The following PRKN variants were observed in gnomAD, a reference collection of about 807,000 sequenced individuals.
PRKN encodes parkin RBR E3 ubiquitin protein ligase.
A neutral mutation model predicts 59.5 loss-of-function variants in PRKN; 56 were observed. That is an observed-to-expected ratio of 0.94 (90% CI 0.76 to 1.18). The LOEUF is 1.18. Among genes scored for constraint, PRKN ranks in the 50% most tolerant of loss-of-function variants. The pLI is 0.00. For missense variants in PRKN, 657 were observed against 596.4 expected, an observed-to-expected ratio of 1.10 and a Z score of -1.06; for synonymous variants, 250 against 222.1, an observed-to-expected ratio of 1.13 and a Z score of -1.12.
At chr6:161,893,284 G>C (rs778813321) in intron 6 of PRKN, among the ~76,000 whole-genome samples, 1 of 152,204 alleles carries the variant, frequency 6.6e-6, no homozygotes, top group Non-Finnish European at 1.5e-5. Flanking sequence ...CTGAGTGATT[G>C]AAAGTAGAGG....
intron 7 of PRKN, among the ~76,000 whole-genome samples, chr6:161,777,771 GT>G (rs1351682659): frequency 7.2e-6 from 1 of 138,250 alleles, no homozygotes; most frequent in East Asian, 2.0e-4. Flanking sequence ...ATGTATATAT[GT>G]ATATATGTAT....
At chr6:162,683,730 T>G (rs1779857128) in intron 1 of PRKN, among the ~76,000 whole-genome samples, 1 of 152,150 alleles carries the variant, frequency 6.6e-6, no homozygotes, top group Admixed American at 6.5e-5. Context: ...AATTTGTCTT[T>G]GTCTTATAAT....
At chr6:162,638,750 T>C (rs1777847712) in intron 1 of PRKN, among the ~76,000 whole-genome samples, 1 of 148,672 alleles carries the variant, frequency 6.7e-6, no homozygotes, top group Non-Finnish European at 1.5e-5. Flanking sequence ...TTTTTTTTTT[T>C]TTTTTTTTTT....
At chr6:161,996,659 C>G (rs1019606377) in intron 5 of PRKN, among the ~76,000 whole-genome samples, 3 of 151,792 alleles carry the variant, frequency 2.0e-5, no homozygotes, top group African/African-American at 4.8e-5. Flanking sequence ...TTAATAGTTA[C>G]GTTAACATGT....
intron 4 of PRKN, among the ~76,000 whole-genome samples, chr6:162,171,610 T>C (rs1264693476): frequency 6.6e-6 from 1 of 152,112 alleles, no homozygotes; most frequent in Admixed American, 6.5e-5. Flanking sequence ...TTAGTTTCTT[T>C]CGTAGGGCTG....
intron 6 of PRKN, among the ~76,000 whole-genome samples, chr6:161,901,793 G>A (rs1044387734): frequency 6.6e-6 from 1 of 152,176 alleles, no homozygotes; most frequent in African/African-American, 2.4e-5. Flanking sequence ...AACAGAGAGA[G>A]GTATGATGGC....
At chr6:161,605,171 A>T (rs1227419686) in intron 7 of PRKN, among the ~76,000 whole-genome samples, 1 of 152,172 alleles carries the variant, frequency 6.6e-6, no homozygotes, top group African/African-American at 2.4e-5. Flanking sequence ...TTTTCAAAGG[A>T]TCTGTGTACC....
intron 9 of PRKN, among the ~76,000 whole-genome samples, chr6:161,449,921 A>G (rs1339231444): frequency 6.6e-6 from 1 of 152,142 alleles, no homozygotes; most frequent in Non-Finnish European, 1.5e-5. Context: ...ACACCCACCC[A>G]CGAGACTTTA....
Position 161,525,997 on chromosome 6 carries a change from C to T in PRKN, c.1083+22857G>A, listed in dbSNP as rs181381092. On this transcript the variant is annotated intron_variant, in intron 9 of 11. Coordinates refer to ENST00000366898, the MANE Select transcript of PRKN (RefSeq NM_004562.3). This position sits in a 1 kb window ranked among gnomAD's most constrained non-coding sequence, Gnocchi z 4.7. Reference sequence around the variant, plus strand: ...TAACTGAAAGATAGGTTTAAGTTGCCTGTAACCCAAATCTGTGTATATAAG... The same window carrying T: ...TAACTGAAAGATAGGTTTAAGTTGCTTGTAACCCAAATCTGTGTATATAAG... 4.6e-3 allele frequency among the ~76,000 whole-genome samples: 694 copies of T among 152,166 alleles called. 4 individuals carry two copies. Among genetic ancestry groups the T allele is most frequent in the Non-Finnish European group, 7.3e-3 (495 of 67,992 alleles).
chr6:162,201,620 C>T (rs943378296), intron 3 of PRKN, among the ~76,000 whole-genome samples: 15 of 152,120 alleles, frequency 9.9e-5, no homozygotes, highest in African/African-American at 2.2e-4. Context: ...AATTCTATCT[C>T]GTGCTTCCAG....
chr6:161,705,718 G>A (rs1032351847), intron 7 of PRKN, among the ~76,000 whole-genome samples: 9 of 152,102 alleles, frequency 5.9e-5, no homozygotes, highest in African/African-American at 1.9e-4. Context: ...TAACTATACC[G>A]TACCAAGCTA....
intron 3 of PRKN, among the ~76,000 whole-genome samples, chr6:162,257,281 G>A (rs531035205): frequency 6.6e-6 from 1 of 152,252 alleles, no homozygotes; most frequent in African/African-American, 2.4e-5. Context: ...GACCAGACTG[G>A]CCAGCGTGGC....
rs376833922 is a variant in PRKN at position 161,905,650 on chromosome 6, A to T, written c.734+67652T>A. Reference sequence around the variant, plus strand: ...CCTTCCTTTATCTTGGGTTTTATTTATATATATATTTTTTTAAAGTACATT... The same window carrying T: ...CCTTCCTTTATCTTGGGTTTTATTTTTATATATATTTTTTTAAAGTACATT... On this transcript the variant is annotated intron_variant, in intron 6 of 11. Transcript: ENST00000366898. 7.9e-5 allele frequency among the ~76,000 whole-genome samples: 12 copies of T among 151,744 alleles called. No homozygotes were observed. The East Asian group carries it at 1.9e-3, about 25-fold the overall frequency.
intron 6 of PRKN, among the ~76,000 whole-genome samples, chr6:161,950,100 C>T (rs986575399): frequency 3.3e-5 from 5 of 152,162 alleles, no homozygotes; most frequent in African/African-American, 7.2e-5. Context: ...TAAGAAGAAG[C>T]CAACAGTGGC....
At chr6:161,882,920 G>A (rs1001065137) in intron 6 of PRKN, among the ~76,000 whole-genome samples, 3 of 151,766 alleles carry the variant, frequency 2.0e-5, no homozygotes, top group Non-Finnish European at 2.9e-5. Flanking sequence ...CATGATAATC[G>A]CTTGAATCCG....
intron 7 of PRKN, among the ~76,000 whole-genome samples, chr6:161,674,537 G>A (rs1785020958): frequency 6.6e-6 from 1 of 152,002 alleles, no homozygotes; most frequent in Non-Finnish European, 1.5e-5. Context: ...ACAATTGACA[G>A]CATCTTAGAA....
chr6:162,334,445 C>T (rs1262615691), intron 2 of PRKN, among the ~76,000 whole-genome samples: 1 of 152,120 alleles, frequency 6.6e-6, no homozygotes, highest in African/African-American at 2.4e-5. Context: ...TGTGGCCATG[C>T]TCTATAAATG....
intron 6 of PRKN, among the ~76,000 whole-genome samples, chr6:161,934,957 A>T (rs1441892495): frequency 6.6e-6 from 1 of 152,140 alleles, no homozygotes; most frequent in Non-Finnish European, 1.5e-5. Context: ...GCTAGAAATA[A>T]TTAGGTCTGT....
chr6:162,478,007 C>T (rs1792110186), intron 1 of PRKN, among the ~76,000 whole-genome samples: 1 of 152,070 alleles, frequency 6.6e-6, no homozygotes, highest in Non-Finnish European at 1.5e-5. Flanking sequence ...AGCGCAGGGT[C>T]CTAGAGCACA....
Sources: allele counts gnomAD v4.1 joint callset (sites outside exome capture counted in the v4.1 genomes callset), GRCh38; gene constraint gnomAD v4.1.1; non-coding constraint Gnocchi (gnomAD v3.1); transcripts MANE v1.5; gene names NCBI Gene and HGNC (gene_info 2026-07-23, HGNC 2026-07-21).